The following DLG2 variants were observed in gnomAD, a reference collection of about 807,000 sequenced individuals.
The protein encoded by DLG2 is disks large homolog 2.
DLG2 carries 45 observed loss-of-function variants against 132.5 expected under a neutral mutation model. That is an observed-to-expected ratio of 0.34 (90% confidence interval 0.27 to 0.44). DLG2 has a LOEUF of 0.44. Among genes scored for constraint, DLG2 ranks in the 20% least tolerant of loss-of-function variants. The probability of loss-of-function intolerance (pLI) is 1.00; values close to 1 mark genes in which losing one functional copy is unlikely to be tolerated. For synonymous variants in DLG2, 424 were observed against 419.6 expected, an observed-to-expected ratio of 1.01 and a Z score of -0.13; for missense variants, 1,045 against 1,196.9, an observed-to-expected ratio of 0.87 and a Z score of 1.87.
At chr11:85,236,503 T>C (rs993950774) in intron 4 of DLG2, among the ~76,000 whole-genome samples, 10 of 152,116 alleles carry the variant, frequency 6.6e-5, no homozygotes, top group Non-Finnish European at 1.2e-4. Context: ...TCATATTGAA[T>C]GAGGGTCTCA....
At chr11:84,757,114 C>T (rs1469892505) in intron 6 of DLG2, among the ~76,000 whole-genome samples, 2 of 152,010 alleles carry the variant, frequency 1.3e-5, no homozygotes, top group Non-Finnish European at 2.9e-5. Context: ...AATTCTCTTC[C>T]TTTGTGTTTA....
intron 3 of DLG2, among the ~76,000 whole-genome samples, chr11:85,437,744 ATAAGT>A (rs1224430903): frequency 2.0e-5 from 3 of 152,166 alleles, no homozygotes; most frequent in African/African-American, 4.8e-5. Context: ...TGGAACTAAT[ATAAGT>A]TAATTTAGGA....
chr11:83,833,210 G>T (rs1197543793), intron 17 of DLG2, among the ~76,000 whole-genome samples: 1 of 152,158 alleles, frequency 6.6e-6, no homozygotes, highest in Non-Finnish European at 1.5e-5. Context: ...GGCTGAGGCG[G>T]GTGGATCACC....
chr11:83,651,090 C>T (rs769010874), intron 18 of DLG2, among the ~76,000 whole-genome samples: 3 of 152,004 alleles, frequency 2.0e-5, no homozygotes, highest in Non-Finnish European at 2.9e-5. Flanking sequence ...TTTCCCCTGC[C>T]AGCCTAAAAC....
At chr11:83,906,019 T>C (rs895188317) in intron 15 of DLG2, among the ~76,000 whole-genome samples, 22 of 150,558 alleles carry the variant, frequency 1.5e-4, no homozygotes, top group African/African-American at 4.9e-4. Context: ...AGCTTGCTAA[T>C]TGGAAGATTG....
At chr11:85,059,814 G>A (rs1182209857) in intron 6 of DLG2, among the ~76,000 whole-genome samples, 1 of 151,604 alleles carries the variant, frequency 6.6e-6, no homozygotes. Context: ...CTGGGAAGTT[G>A]TGTTCACTTT....
At chr11:84,682,205 T>A (rs2099732576) in intron 6 of DLG2, among the ~76,000 whole-genome samples, 1 of 152,138 alleles carries the variant, frequency 6.6e-6, no homozygotes, top group Non-Finnish European at 1.5e-5. Context: ...AACATGAGAT[T>A]TGAAGGAGTC....
chr11:84,238,640 C>T (rs1370979324), intron 8 of DLG2, among the ~76,000 whole-genome samples: 2 of 145,988 alleles, frequency 1.4e-5, no homozygotes, highest in East Asian at 2.0e-4. Context: ...TTAGTATTTG[C>T]TTTTTTTTTT....
At chr11:84,506,638 C>T (rs1482557366) in intron 7 of DLG2, among the ~76,000 whole-genome samples, 1 of 152,136 alleles carries the variant, frequency 6.6e-6, no homozygotes, top group Non-Finnish European at 1.5e-5. Context: ...CCATTTTGGA[C>T]TCTGACATCC....
chr11:84,223,294 T>C (rs529009006), intron 8 of DLG2, among the ~76,000 whole-genome samples: 1 of 152,210 alleles, frequency 6.6e-6, no homozygotes, highest in African/African-American at 2.4e-5. Flanking sequence ...TGATAAGACA[T>C]TGATTGAGAG....
At chr11:84,339,035 T>G (rs2098501671) in intron 7 of DLG2, among the ~76,000 whole-genome samples, 1 of 152,188 alleles carries the variant, frequency 6.6e-6, no homozygotes, top group Non-Finnish European at 1.5e-5. Context: ...TTTCATTTAT[T>G]TCATTAAATA....
intron 21 of DLG2, among the ~76,000 whole-genome samples, chr11:83,517,493 G>C (rs901004321): frequency 2.0e-5 from 3 of 152,162 alleles, no homozygotes; most frequent in African/African-American, 7.2e-5. Context: ...GGAGTAGTTT[G>C]ATCTTCTGAA....
At chr11:84,288,612 A>G (rs2097942186) in intron 7 of DLG2, among the ~76,000 whole-genome samples, 1 of 152,140 alleles carries the variant, frequency 6.6e-6, no homozygotes, top group African/African-American at 2.4e-5. Context: ...TCCAGGGCTC[A>G]TGAGATCTAG....
At chr11:83,837,347 C>A (rs571417354) in intron 16 of DLG2, among the ~76,000 whole-genome samples, 4 of 152,144 alleles carry the variant, frequency 2.6e-5, no homozygotes, top group African/African-American at 9.7e-5. Context: ...AGCATCACCT[C>A]GTACCCCCTT....
intron 15 of DLG2, among the ~76,000 whole-genome samples, chr11:83,894,486 G>C (rs955907525): frequency 1.4e-4 from 21 of 152,138 alleles, no homozygotes; most frequent in Admixed American, 1.4e-3. Flanking sequence ...AAAATTTTGA[G>C]AAAGTTTTCC....
intron 7 of DLG2, among the ~76,000 whole-genome samples, chr11:84,469,292 A>G (rs1471917850): frequency 6.6e-6 from 1 of 151,602 alleles, no homozygotes; most frequent in East Asian, 1.9e-4. Context: ...CACTATATGA[A>G]ATGCCACAGA....
chr11:83,508,043 G>A (rs951723692), intron 21 of DLG2, among the ~76,000 whole-genome samples: 1 of 151,550 alleles, frequency 6.6e-6, no homozygotes, highest in Non-Finnish European at 1.5e-5. Flanking sequence ...CTGATTAGAT[G>A]GTACCCACCC....
chr11:83,910,633 T>C (rs543587011), intron 15 of DLG2, among the ~76,000 whole-genome samples: 379 of 152,286 alleles, frequency 2.5e-3, no homozygotes, highest in Non-Finnish European at 4.5e-3. Context: ...CACCACACAT[T>C]ACATGTATCG....
intron 11 of DLG2, among the ~76,000 whole-genome samples, chr11:83,989,469 T>C (rs552504509): frequency 3.3e-5 from 5 of 152,314 alleles, no homozygotes; most frequent in Admixed American, 1.3e-4. Context: ...ATAATCTGTC[T>C]GGTTTGGATG....
Sources: allele counts gnomAD v4.1 joint callset (sites outside exome capture counted in the v4.1 genomes callset), GRCh38; gene constraint gnomAD v4.1.1; transcripts MANE v1.5; gene names NCBI Gene and HGNC (gene_info 2026-07-23, HGNC 2026-07-21).